The following TTC39B variants were observed in gnomAD, a reference collection of about 807,000 sequenced individuals.
TTC39B encodes tetratricopeptide repeat domain 39B, also known as tetratricopeptide repeat protein 39B.
Under a neutral mutation model 96.6 loss-of-function variants are expected in TTC39B, and 92 were observed. The observed-to-expected ratio is 0.95, with a 90% CI of 0.80 to 1.13. TTC39B has a LOEUF of 1.13. Ranked by LOEUF, TTC39B falls within the 50% of genes most tolerant of loss-of-function variation. TTC39B has a pLI of 0.00. For missense variants in TTC39B, 955 were observed against 809.3 expected (o/e 1.18, Z -2.18); for synonymous variants, 367 against 299.4 (o/e 1.23, Z -2.33).
At chr9:15,296,339 C>T (rs1372120426) in intron 1 of TTC39B, among the ~76,000 whole-genome samples, 1 of 152,124 alleles carries the variant, frequency 6.6e-6, no homozygotes, top group Non-Finnish European at 1.5e-5. Flanking sequence ...TACAGGCATC[C>T]GTTTAAAACT....
chr9:15,247,464 C>T (rs1822329066), intron 2 of TTC39B, among the ~76,000 whole-genome samples: 1 of 152,140 alleles, frequency 6.6e-6, no homozygotes, highest in Non-Finnish European at 1.5e-5. Flanking sequence ...AGAATTCCAA[C>T]TCATTACAGG....
chr9:15,180,683 A>C (rs769494699), intron 17 of TTC39B, among the ~76,000 whole-genome samples: 1 of 152,092 alleles, frequency 6.6e-6, no homozygotes, highest in Admixed American at 6.5e-5. Context: ...CCATTTTCCA[A>C]CTTCTCTCCA....
intron 1 of TTC39B, among the ~76,000 whole-genome samples, chr9:15,277,971 G>A (rs1823610327): frequency 6.6e-6 from 1 of 152,082 alleles, no homozygotes; most frequent in Non-Finnish European, 1.5e-5. Flanking sequence ...GAAATCACGA[G>A]AATTAAAAAG....
chr9:15,227,463 C>T (rs1274458138), intron 2 of TTC39B, among the ~76,000 whole-genome samples: 3 of 152,068 alleles, frequency 2.0e-5, no homozygotes, highest in Non-Finnish European at 4.4e-5. Context: ...AAATTTTTCA[C>T]ATCACATAGG....
intron 2 of TTC39B, among the ~76,000 whole-genome samples, chr9:15,236,151 A>C (rs1260793289): frequency 6.6e-6 from 1 of 152,252 alleles, no homozygotes; most frequent in East Asian, 1.9e-4. Flanking sequence ...GGAAAACAAA[A>C]GTGAGCAGGA....
intron 3 of TTC39B, among the ~76,000 whole-genome samples, chr9:15,217,024 A>C (rs1165870133): frequency 1.3e-5 from 2 of 152,180 alleles, no homozygotes; most frequent in South Asian, 2.1e-4. Context: ...ATTGCTGTAT[A>C]ATGGAGCCAG....
At chr9:15,199,389 C>G (rs952524547) in intron 8 of TTC39B, among the ~76,000 whole-genome samples, 1 of 152,132 alleles carries the variant, frequency 6.6e-6, no homozygotes, top group African/African-American at 2.4e-5. Context: ...TCCTATAACA[C>G]TGAATACACA....
chr9:15,166,377 T>G (rs1302045720), exon 20 of TTC39B: 2 of 152,204 alleles, frequency 1.3e-5, no homozygotes, highest in African/African-American at 4.8e-5. Flanking sequence ...AGACTTCCTC[T>G]GAAGCTAGAT....
chr9:15,191,398 C>T (rs1484047771), intron 9 of TTC39B, 143 bp from the exon 10 acceptor site: 2 of 600,002 alleles, frequency 3.3e-6, no homozygotes, highest in African/African-American at 3.8e-5. Flanking sequence ...TCTGTTACCA[C>T]ATACTGTAAC....
chr9:15,184,385 C>A (rs1356490274), intron 16 of TTC39B, among the ~76,000 whole-genome samples: 1 of 147,956 alleles, frequency 6.8e-6, no homozygotes, highest in African/African-American at 2.5e-5. Context: ...ATCTAAATAA[C>A]TGTCAAAGAG....
chr9:15,197,052 G>T (rs141741827), intron 8 of TTC39B, among the ~76,000 whole-genome samples: 2 of 152,284 alleles, frequency 1.3e-5, no homozygotes, highest in East Asian at 3.9e-4. Flanking sequence ...ATCAATTAAG[G>T]TATGTATATT....
At chr9:15,182,934 T>C (rs1456952166) in intron 16 of TTC39B, among the ~76,000 whole-genome samples, 2 of 152,186 alleles carry the variant, frequency 1.3e-5, no homozygotes, top group East Asian at 1.9e-4. Flanking sequence ...TTAAAAGCCA[T>C]ATGGCTGAAT....
intron 1 of TTC39B, among the ~76,000 whole-genome samples, chr9:15,277,020 G>A (rs1823569028): frequency 6.6e-6 from 1 of 152,156 alleles, no homozygotes; most frequent in Non-Finnish European, 1.5e-5. Context: ...GCCGGGTGTG[G>A]GATATTTACA....
In TTC39B at chr9:15,306,863, A is replaced by G. The variant is rs1357300916; in HGVS notation, c.240+221T>C. On this transcript the variant is annotated intron_variant, in intron 1 of 19. Coordinates refer to ENST00000512701, the Ensembl canonical transcript of TTC39B. The surrounding 1 kb of genome is among the most constrained non-coding windows in gnomAD (Gnocchi z 5.1). ...ACGACTCGCGGGGCCGGCGCTCCGA[A>G]CCTCGGCACTGCGTCCGCTCCGCGC... 6.6e-6 allele frequency among the ~76,000 whole-genome samples: 1 copy of G among 151,132 alleles called. No homozygotes were observed. The highest frequency in any genetic ancestry group is 2.0e-4 in the East Asian group (1 of 5,036).
rs1818122325 is a variant in TTC39B, at chr9:15,179,292, A to C, written c.1724-1478T>G. 2.0e-5 allele frequency among the ~76,000 whole-genome samples: 3 copies of C among 152,224 alleles called. No homozygotes were observed. The South Asian group carries it at 6.2e-4, about 32-fold the overall frequency. On this transcript the variant is annotated intron_variant, in intron 17 of 19. Coordinates refer to ENST00000512701, the Ensembl canonical transcript of TTC39B. ...GAGAGGACGGCAGTAAAGGGAACAT[A>C]CGAGGCCCTGGGAGTCCCTCCTATT...
chr9:15,166,993 TATATATATATATATATATATATATATA>T (rs1564299640), exon 20 of TTC39B: 106 of 5,126 alleles, frequency 0.021, 6 homozygotes, highest in African/African-American at 0.083. Flanking sequence ...TATATATATA[TATATATATATATATATATATATATATA>T]TATATATATT....
At chr9:15,295,381 T>G (rs1414038892) in intron 1 of TTC39B, among the ~76,000 whole-genome samples, 1 of 152,190 alleles carries the variant, frequency 6.6e-6, no homozygotes, top group African/African-American at 2.4e-5. Flanking sequence ...TAGTCAAGTT[T>G]GAGAAGTTTG....
intron 1 of TTC39B, among the ~76,000 whole-genome samples, chr9:15,303,387 T>C (rs527823677): frequency 6.6e-6 from 1 of 151,948 alleles, no homozygotes; most frequent in Admixed American, 6.5e-5. Context: ...GATTTTTTTT[T>C]TTTTTTTGAA....
chr9:15,258,864 G>T (rs10961942), intron 2 of TTC39B, among the ~76,000 whole-genome samples: 13,716 of 152,108 alleles, frequency 0.09, 844 homozygotes, highest in African/African-American at 0.18. Flanking sequence ...TCCTTCAAGT[G>T]ATGAAATCTT....
Sources: gnomAD v4.1 joint callset for allele counts (sites outside exome capture counted in the v4.1 genomes callset) on GRCh38, gnomAD v4.1.1 for gene constraint, Gnocchi (gnomAD v3.1) non-coding constraint, MANE v1.5 for transcripts, NCBI Gene and HGNC (gene_info 2026-07-23, HGNC 2026-07-21) for gene names.